The following DAB1 variants were observed in gnomAD, a reference collection of about 807,000 sequenced individuals.
DAB1 encodes the protein disabled homolog 1.
In DAB1, 15 loss-of-function variants were observed where a neutral mutation model predicts 64.6. That is an observed-to-expected ratio of 0.23 (90% CI 0.16 to 0.36). DAB1 has a LOEUF of 0.36. Ranked by LOEUF, DAB1 falls within the 10% of genes least tolerant of loss-of-function variation. DAB1 has a pLI of 1.00. For missense variants in DAB1, 596 were observed against 706.7 expected (o/e 0.84, Z 1.78); for synonymous variants, 235 against 251.9 (o/e 0.93, Z 0.64).
intron 7 of DAB1, among the ~76,000 whole-genome samples, chr1:57,497,501 G>A (rs1644244341): frequency 1.3e-5 from 2 of 152,230 alleles, no homozygotes; most frequent in African/African-American, 4.8e-5. Context: ...CTAGTCTAGT[G>A]ATGGATGTAG....
intron 5 of DAB1, among the ~76,000 whole-genome samples, chr1:58,037,947 G>C (rs1570261593): frequency 6.6e-6 from 1 of 152,114 alleles, no homozygotes; most frequent in East Asian, 1.9e-4. Flanking sequence ...TTAGAGAGAG[G>C]CAGCCCTGTT....
Position 57,546,627 on chromosome 1 carries a change from C to T in DAB1, n.625+102965G>A, listed in dbSNP as rs926330924. On this transcript the variant is annotated intron_variant and non_coding_transcript_variant, in intron 7 of 20. Coordinates refer to the DAB1 transcript ENST00000485760. ...GCTTCATATTGTTACAGTATTATCACCATATGGGCCTATTAGGGAGAAGAC... is the reference window on the plus strand; with the variant it reads ...GCTTCATATTGTTACAGTATTATCATCATATGGGCCTATTAGGGAGAAGAC... 5.9e-5 allele frequency among the ~76,000 whole-genome samples: 9 copies of T among 152,152 alleles called. No individual in the cohort carries two copies. In the East Asian group the frequency reaches 1.3e-3, roughly 23 times the overall value.
chr1:57,763,120 A>G (rs1649158447), intron 6 of DAB1, among the ~76,000 whole-genome samples: 1 of 152,210 alleles, frequency 6.6e-6, no homozygotes, highest in South Asian at 2.1e-4. Context: ...CACAGGATGT[A>G]TCACATAGTC....
At chr1:58,182,681 G>A (rs1396617592) in intron 4 of DAB1, among the ~76,000 whole-genome samples, 1 of 151,754 alleles carries the variant, frequency 6.6e-6, no homozygotes, top group Non-Finnish European at 1.5e-5. Flanking sequence ...ATTCTCTAGT[G>A]AATTATTATA....
chr1:57,107,708 T>C (rs1655298617), intron 4 of DAB1, among the ~76,000 whole-genome samples: 1 of 152,202 alleles, frequency 6.6e-6, no homozygotes, highest in Non-Finnish European at 1.5e-5. Context: ...ATTCTTTCTG[T>C]GCTGGCTCAC....
At chr1:58,478,633 G>T (rs1463372708) in intron 3 of DAB1, among the ~76,000 whole-genome samples, 1 of 152,130 alleles carries the variant, frequency 6.6e-6, no homozygotes, top group African/African-American at 2.4e-5. Flanking sequence ...CCTTTGAACA[G>T]ATAATTATTG....
intron 7 of DAB1, among the ~76,000 whole-genome samples, chr1:57,641,648 T>G (rs991077134): frequency 5.9e-5 from 9 of 152,042 alleles, no homozygotes; most frequent in African/African-American, 1.4e-4. Flanking sequence ...TCTCCCAAAG[T>G]GCTGGTTCCT....
chr1:58,371,439 T>C (rs1644263357), intron 3 of DAB1, among the ~76,000 whole-genome samples: 1 of 152,138 alleles, frequency 6.6e-6, no homozygotes, highest in African/African-American at 2.4e-5. Flanking sequence ...AATTGGAACT[T>C]ACGTTTAAAG....
At chr1:57,841,503 C>T (rs551104560) in intron 1 of DAB1, among the ~76,000 whole-genome samples, 2 of 152,342 alleles carry the variant, frequency 1.3e-5, no homozygotes, top group Admixed American at 6.5e-5. Flanking sequence ...ACCCCTGCAG[C>T]AGACTTCTGC....
chr1:57,687,382 A>G (rs1646710460), intron 6 of DAB1, among the ~76,000 whole-genome samples: 1 of 152,094 alleles, frequency 6.6e-6, no homozygotes, highest in Admixed American at 6.5e-5. Flanking sequence ...TCTGAAAGAA[A>G]TCAGAGACAA....
intron 4 of DAB1, among the ~76,000 whole-genome samples, chr1:57,078,263 C>T (rs978298975): frequency 3.9e-5 from 6 of 152,090 alleles, no homozygotes; most frequent in African/African-American, 1.2e-4. Flanking sequence ...CGTAGTCTCT[C>T]GCTGAAGAGG....
intron 6 of DAB1, among the ~76,000 whole-genome samples, chr1:57,710,745 T>G (rs184077526): frequency 1.3e-5 from 2 of 152,216 alleles, no homozygotes; most frequent in African/African-American, 4.8e-5. Context: ...TTTATCTAGG[T>G]TTTTAGTGTG....
chr1:57,999,145 C>A (rs1646470305), intron 5 of DAB1, among the ~76,000 whole-genome samples: 1 of 152,136 alleles, frequency 6.6e-6, no homozygotes, highest in South Asian at 2.1e-4. Flanking sequence ...TATGAGCTAC[C>A]ACTTATTAAT....
chr1:58,521,997 T>C (rs1174915103), intron 2 of DAB1, among the ~76,000 whole-genome samples: 1 of 152,144 alleles, frequency 6.6e-6, no homozygotes, highest in Non-Finnish European at 1.5e-5. Flanking sequence ...GAACATAGGA[T>C]AAACATTCTA....
At chr1:57,828,968 C>A (rs76484767) in intron 1 of DAB1, among the ~76,000 whole-genome samples, 34 of 152,230 alleles carry the variant, frequency 2.2e-4, no homozygotes, top group African/African-American at 8.2e-4. Flanking sequence ...TAATGAATGG[C>A]TTCTCAATTC....
At chr1:58,512,214 C>T (rs762125439) in intron 2 of DAB1, among the ~76,000 whole-genome samples, 2 of 152,036 alleles carry the variant, frequency 1.3e-5, no homozygotes, top group Non-Finnish European at 2.9e-5. Context: ...TTACCTTACA[C>T]CTGTTAGGTT....
intron 4 of DAB1, among the ~76,000 whole-genome samples, chr1:58,235,781 G>A (rs1396383792): frequency 6.6e-6 from 1 of 152,160 alleles, no homozygotes; most frequent in Non-Finnish European, 1.5e-5. Flanking sequence ...GGCTAATTGG[G>A]CAGCTTGGTC....
At chr1:58,292,657 G>A (rs1661873376) in intron 4 of DAB1, among the ~76,000 whole-genome samples, 1 of 152,108 alleles carries the variant, frequency 6.6e-6, no homozygotes, top group Non-Finnish European at 1.5e-5. Context: ...AAGGGTTGGA[G>A]TGTTGCAAAT....
At chr1:58,466,108 G>T (rs1242112358) in intron 3 of DAB1, among the ~76,000 whole-genome samples, 1 of 152,168 alleles carries the variant, frequency 6.6e-6, no homozygotes. Flanking sequence ...CAAACGCTGT[G>T]TCCTGACTGC....
Sources: gnomAD v4.1 joint callset for allele counts (sites outside exome capture counted in the v4.1 genomes callset) on GRCh38, gnomAD v4.1.1 for gene constraint, MANE v1.5 for transcripts, NCBI Gene and HGNC (gene_info 2026-07-23, HGNC 2026-07-21) for gene names.